The following CD300E variants were observed in gnomAD, a reference collection of about 807,000 sequenced individuals.
CD300E encodes CD300e molecule, also known as CMRF35-like molecule 2.
A neutral mutation model predicts 20.9 loss-of-function variants in CD300E; 14 were observed. The ratio of observed to expected loss-of-function variants is 0.67; its 90% CI spans 0.44 to 1.05. The LOEUF (loss-of-function observed/expected upper bound fraction) is 1.05, where lower values mean the gene tolerates loss of function less well. Among genes scored for constraint, CD300E ranks in the 50% least tolerant of loss-of-function variants. CD300E has a pLI of 0.00. For synonymous variants in CD300E, 102 were observed against 103.7 expected (o/e 0.98, Z 0.10); for missense variants, 237 against 253.9 (o/e 0.93, Z 0.45).
chr17:74,617,154 C>G lies in CD300E; in HGVS notation c.352G>C (p.Asp118His). ...TACACCCTAACCAGGTCCGAGGGAT[C>G]GCGTGACCATGAATCCAGGACCCAC... Reference protein sequence around the residue: ...TVWVLDSWSRDPSDLVRVYVS... With the variant: ...TVWVLDSWSRHPSDLVRVYVS... Residue 118 changes from aspartate to histidine, a missense_variant, in exon 2 of 4, where the codon GAT becomes CAT. Asp to His is a moderately conservative substitution (Grantham distance 81). Coordinates refer to ENST00000392619, the MANE Select transcript of CD300E (RefSeq NM_181449.3). 1 of 1,614,196 alleles carries G rather than the reference C, an allele frequency of 6.2e-7. No individual in the cohort carries two copies. The highest frequency in any genetic ancestry group is 8.5e-7 in the Non-Finnish European group (1 of 1,180,038).
intron 2 of CD300E, among the ~76,000 whole-genome samples, chr17:74,615,874 T>A (rs1038525476): frequency 2.6e-5 from 4 of 152,102 alleles, no homozygotes; most frequent in African/African-American, 9.7e-5. Flanking sequence ...TGACTTGAGG[T>A]CAGGAGTTTG....
At position 74,620,242 on chromosome 17, in the gene CD300E, C is replaced by A. The variant is rs532158138; in HGVS notation, c.41-2777G>T. On this transcript the variant is annotated intron_variant, in intron 1 of 3. Transcript: ENST00000392619. Reference sequence around the variant, plus strand: ...ATCCCAGCACTTTGGGAGGCCGAGGCGGGCGGATCACCAGAGGTCAGGAGT... The same window carrying A: ...ATCCCAGCACTTTGGGAGGCCGAGGAGGGCGGATCACCAGAGGTCAGGAGT... Among the ~76,000 whole-genome samples, 3 of 152,134 alleles carry A rather than the reference C, an allele frequency of 2.0e-5. No homozygotes were observed. In the South Asian group the frequency reaches 6.2e-4, roughly 32 times the overall value.
chr17:74,611,603 T>A lies in CD300E; in HGVS notation c.*1050A>T, dbSNP rs2030779623. The A allele has an allele frequency of 6.6e-6, 1 of 152,306 alleles. No individual in the cohort carries two copies. Among genetic ancestry groups the A allele is most frequent in the Non-Finnish European group, 1.5e-5 (1 of 68,090 alleles). 9.4% of individuals were successfully genotyped at this position (152,306 alleles called of 1,614,324 possible). A position where few individuals can be genotyped will look rare whatever the true frequency, so the allele number is the denominator to read the frequency against. ...GTATCCTTCACCTCTGTGCCCTCCATCCTGTCTTTGAAAAACGATATCTGC... is the reference window on the plus strand; with the variant it reads ...GTATCCTTCACCTCTGTGCCCTCCAACCTGTCTTTGAAAAACGATATCTGC... On this transcript the variant is annotated 3_prime_UTR_variant, in exon 4 of 4. Coordinates refer to ENST00000392619, the MANE Select transcript of CD300E (RefSeq NM_181449.3).
rs2030751677 is a variant in CD300E at position 74,610,426 on chromosome 17, C to T, written c.*2227G>A. The T allele has an allele frequency of 6.6e-6, 1 of 152,294 alleles. No homozygotes were observed. The highest frequency in any genetic ancestry group is 6.5e-5 in the Admixed American group (1 of 15,282). 9.4% of individuals were successfully genotyped at this position (152,294 alleles called of 1,614,324 possible). ...GCTAACCCACATCTCTAGCTATCTGCTAGACCTCTCTGCCTGATGATTCCA... is the reference window on the plus strand; with the variant it reads ...GCTAACCCACATCTCTAGCTATCTGTTAGACCTCTCTGCCTGATGATTCCA... On this transcript the variant is annotated 3_prime_UTR_variant, in exon 4 of 4. Coordinates refer to ENST00000392619, the MANE Select transcript of CD300E (RefSeq NM_181449.3).
At position 74,612,472 on chromosome 17, in the gene CD300E, C is replaced by A. The variant is rs2030805022; in HGVS notation, c.*181G>T. On this transcript the variant is annotated 3_prime_UTR_variant, in exon 4 of 4. Transcript: ENST00000392619. Reference sequence around the variant, plus strand: ...ACTGGGGAGGAGAAAGGAGGACCCCCAAGCTGCACATTGAGGACTCCAGAG... The same window carrying A: ...ACTGGGGAGGAGAAAGGAGGACCCCAAAGCTGCACATTGAGGACTCCAGAG... 1 of 699,144 alleles carries A rather than the reference C, an allele frequency of 1.4e-6. No individual in the cohort carries two copies. The highest frequency in any genetic ancestry group is 1.8e-5 in the African/African-American group (1 of 55,000). 43.3% of individuals were successfully genotyped at this position (699,144 alleles called of 1,614,324 possible).
intron 1 of CD300E, chr17:74,619,016 G>C (rs144479465): frequency 6.2e-4 from 289 of 462,912 alleles, no homozygotes; most frequent in African/African-American, 4.9e-3. Context: ...CCAAATCCCT[G>C]CTCCCCACCT....
In CD300E at chr17:74,611,053, T is replaced by C. The variant is rs1162660791; in HGVS notation, c.*1600A>G. 6.6e-6 allele frequency: 1 copy of C among 152,318 alleles called. No homozygotes were observed. Among genetic ancestry groups the C allele is most frequent in the African/African-American group, 2.4e-5 (1 of 41,470 alleles). The allele number at this position is 152,318 out of a possible 1,614,324, so 9.4% of individuals were successfully genotyped here. ...ACCCCCTGACATCAGGAAGCATCTC[T>C]TGTGGCTCTAGAGTTCTTCCTATGC... On this transcript the variant is annotated 3_prime_UTR_variant, in exon 4 of 4. Transcript: ENST00000392619.
intron 2 of CD300E, 65 bp downstream of exon 2, chr17:74,617,053 C>G: frequency 7.2e-7 from 1 of 1,394,824 alleles, no homozygotes; most frequent in Non-Finnish European, 1.0e-6. Context: ...CAGTGTGCCG[C>G]CCACCCTTGT....
chr17:74,618,369 G>A (rs1460761984), intron 1 of CD300E, among the ~76,000 whole-genome samples: 1 of 152,146 alleles, frequency 6.6e-6, no homozygotes, highest in Non-Finnish European at 1.5e-5. Context: ...GAGAGAGGGA[G>A]AGAAAGAGAA....
chr17:74,617,816 A>T (rs1175931932), intron 1 of CD300E, among the ~76,000 whole-genome samples: 2 of 152,188 alleles, frequency 1.3e-5, no homozygotes, highest in African/African-American at 4.8e-5. Flanking sequence ...TTGGAGTGAG[A>T]CCCATATATT....
At chr17:74,618,385 G>T (rs1036137871) in intron 1 of CD300E, among the ~76,000 whole-genome samples, 1 of 152,166 alleles carries the variant, frequency 6.6e-6, no homozygotes, top group African/African-American at 2.4e-5. Context: ...GAGAAACAGT[G>T]ATGAGGCTGA....
chr17:74,615,765 T>C (rs1251678188), intron 2 of CD300E, among the ~76,000 whole-genome samples: 2 of 152,060 alleles, frequency 1.3e-5, no homozygotes, highest in Admixed American at 6.6e-5. Context: ...GGAAATGGAA[T>C]ATGGGAGTTA....
chr17:74,615,835 C>T (rs2030887942), intron 2 of CD300E, among the ~76,000 whole-genome samples: 1 of 152,160 alleles, frequency 6.6e-6, no homozygotes, highest in African/African-American at 2.4e-5. Flanking sequence ...CCTATAGTCC[C>T]AGCACCTTGG....
intron 2 of CD300E, among the ~76,000 whole-genome samples, chr17:74,614,493 T>A (rs2030856438): frequency 2.7e-5 from 4 of 149,966 alleles, no homozygotes. Context: ...TTTTTTTTTT[T>A]TTGAGATGGA....
At chr17:74,618,958 A>AGAACCTTCCTCGCTCTG in intron 1 of CD300E, 1 of 406,788 alleles carries the variant, frequency 2.5e-6, no homozygotes, top group Non-Finnish European at 5.1e-6. Flanking sequence ...AATTCTCGTA[A>AGAACCTTCCTCGCTCTG]GAACCTTCCT....
At chr17:74,613,328 C>A (rs2030825732) in intron 3 of CD300E, among the ~76,000 whole-genome samples, 1 of 152,220 alleles carries the variant, frequency 6.6e-6, no homozygotes, top group African/African-American at 2.4e-5. Context: ...GTCTCAATCT[C>A]CTGGACTCAA....
rs115237824 is a variant in CD300E, at chr17:74,617,935, A to G, written c.41-470T>C. 4.9e-3 allele frequency among the ~76,000 whole-genome samples: 743 copies of G among 152,272 alleles called. 3 individuals are homozygous for G. The highest frequency in any genetic ancestry group is 0.017 in the African/African-American group (703 of 41,552). ...AAAATACTCTCCGGCTCTGATCTTA[A>G]CCACTCTCCAGAAAGAATCAACATG... On this transcript the variant is annotated intron_variant, in intron 1 of 3. Coordinates refer to ENST00000392619, the MANE Select transcript of CD300E (RefSeq NM_181449.3).
In CD300E at chr17:74,623,732, T is replaced by C; in HGVS notation, c.-111A>G. The C allele has an allele frequency of 1.8e-6, 2 of 1,108,854 alleles. No individual in the cohort carries two copies. Among genetic ancestry groups the C allele is most frequent in the Non-Finnish European group, 2.8e-6 (2 of 720,080 alleles). 68.7% of individuals were successfully genotyped at this position (1,108,854 alleles called of 1,614,324 possible). Reference sequence around the variant, plus strand: ...TTTCTACTTGTCCAAGTTTCCTTTGTGTTCTCACTCATCTATTTCCTCTTT... The same window carrying C: ...TTTCTACTTGTCCAAGTTTCCTTTGCGTTCTCACTCATCTATTTCCTCTTT... On this transcript the variant is annotated 5_prime_UTR_variant, in exon 1 of 4. Coordinates refer to ENST00000392619, the MANE Select transcript of CD300E (RefSeq NM_181449.3).
Position 74,617,263 on chromosome 17 carries a change from G to T in CD300E, c.243C>A (p.His81Gln). Residue 81 changes from histidine to glutamine, a missense_variant, in exon 2 of 4, where the codon CAC (histidine) becomes CAA (glutamine). His to Gln is a conservative substitution (Grantham distance 24). Coordinates refer to ENST00000392619, the MANE Select transcript of CD300E (RefSeq NM_181449.3). ...TCACAGTGAAGGCGAGAGCCTCCGG[G>T]TGGTCTCTGATGGACACGCGGCCAT... Reference protein sequence around the residue: ...ERNGRVSIRDHPEALAFTVTM... With the variant: ...ERNGRVSIRDQPEALAFTVTM... The T allele has an allele frequency of 6.2e-7, 1 of 1,614,182 alleles. No homozygotes were observed. The highest frequency in any genetic ancestry group is 1.3e-5 in the African/African-American group (1 of 75,050).
Sources: allele counts gnomAD v4.1 joint callset (sites outside exome capture counted in the v4.1 genomes callset), GRCh38; gene constraint gnomAD v4.1.1; transcripts MANE v1.5; gene names NCBI Gene and HGNC (gene_info 2026-07-23, HGNC 2026-07-21).